The following ARL6 variants were observed in gnomAD, a reference collection of about 807,000 sequenced individuals.
ARL6 encodes the protein ADP-ribosylation factor-like protein 6.
A neutral mutation model predicts 27.1 loss-of-function variants in ARL6; 18 were observed. The ratio of observed to expected loss-of-function variants is 0.66; its 90% CI spans 0.46 to 0.98. ARL6 has a LOEUF of 0.98. Among genes scored for constraint, ARL6 ranks in the 50% least tolerant of loss-of-function variants. The probability of loss-of-function intolerance (pLI) is 0.00; values close to 1 mark genes in which losing one functional copy is unlikely to be tolerated. For synonymous variants in ARL6, 65 were observed against 72.3 expected (o/e 0.90, Z 0.51); for missense variants, 187 against 214.9 (o/e 0.87, Z 0.81).
chr3:97,790,182 GA>G (rs558914592), intron 6 of ARL6, among the ~76,000 whole-genome samples: 1 of 151,644 alleles, frequency 6.6e-6, no homozygotes, highest in Non-Finnish European at 1.5e-5. Flanking sequence ...GGGAAGATGA[GA>G]AAAAATAAAG....
intron 4 of ARL6, among the ~76,000 whole-genome samples, chr3:97,784,584 C>T (rs1348113105): frequency 1.3e-5 from 2 of 151,134 alleles, no homozygotes; most frequent in Admixed American, 6.6e-5. Context: ...ATGTAATATA[C>T]ACAAAGTGTA....
intron 1 of ARL6, among the ~76,000 whole-genome samples, chr3:97,765,211 G>GGGGTGTGT (rs373304649): frequency 6.3e-4 from 67 of 105,612 alleles, no homozygotes; most frequent in South Asian, 2.0e-3. Context: ...GTGTATTGGG[G>GGGGTGTGT]GTGTGTGTGT....
intron 7 of ARL6, chr3:97,793,472 A>G (rs990639205): frequency 6.6e-6 from 1 of 152,202 alleles, no homozygotes; most frequent in Non-Finnish European, 1.5e-5. Flanking sequence ...TATAGCATGG[A>G]TGGAAACCCT....
At chr3:97,791,440 T>C in intron 6 of ARL6, 1 of 249,968 alleles carries the variant, frequency 4.0e-6, no homozygotes, top group Non-Finnish European at 7.7e-6. Flanking sequence ...GATTGAATGA[T>C]TGGAACTGAG....
intron 3 of ARL6, 81 bp from the exon 4 acceptor site, chr3:97,780,529 ATTTCT>A: frequency 1.8e-6 from 2 of 1,132,392 alleles, no homozygotes; most frequent in Non-Finnish European, 2.7e-6. Flanking sequence ...ATGAAGGGTA[ATTTCT>A]TTGATTGTAA....
intron 4 of ARL6, among the ~76,000 whole-genome samples, chr3:97,782,928 C>G (rs550476005): frequency 2.7e-5 from 4 of 149,844 alleles, no homozygotes; most frequent in Non-Finnish European, 4.5e-5. Flanking sequence ...CCATTAGTAG[C>G]ATTTATTTTT....
chr3:97,780,136 G>A, intron 2 of ARL6, 23 bp from the exon 3 acceptor site: 1 of 1,599,048 alleles, frequency 6.3e-7, no homozygotes, highest in Non-Finnish European at 8.6e-7. Flanking sequence ...GTAAATTTCT[G>A]AACTTTGTCT....
chr3:97,781,040 T>C (rs1267912531), intron 4 of ARL6, among the ~76,000 whole-genome samples: 6 of 152,282 alleles, frequency 3.9e-5, no homozygotes, highest in African/African-American at 1.4e-4. Context: ...ACCTGGCACT[T>C]TGTCCATTTC....
At chr3:97,785,206 TCAC>T (rs976010552) in intron 5 of ARL6, among the ~76,000 whole-genome samples, 157 bp downstream of exon 5, 2 of 151,934 alleles carry the variant, frequency 1.3e-5, no homozygotes, top group African/African-American at 4.8e-5. Flanking sequence ...TTTATGTACA[TCAC>T]CATATTTTGT....
intron 2 of ARL6, among the ~76,000 whole-genome samples, chr3:97,775,147 A>G (rs2036829801): frequency 1.3e-5 from 2 of 152,292 alleles, no homozygotes; most frequent in South Asian, 2.1e-4. Flanking sequence ...CCCAAAACCA[A>G]TGAAAGAACT....
chr3:97,766,857 T>TA (rs2036404137), intron 1 of ARL6, among the ~76,000 whole-genome samples: 1 of 152,112 alleles, frequency 6.6e-6, no homozygotes, highest in Non-Finnish European at 1.5e-5. Context: ...GGTACATAGA[T>TA]ATATTGTAGC....
rs1232541489 is a variant in ARL6 at position 97,800,662 on chromosome 3, T to C, written c.*2613T>C. 3 of 152,204 alleles carry C rather than the reference T, an allele frequency of 2.0e-5. No homozygotes were observed. Among genetic ancestry groups the C allele is most frequent in the Non-Finnish European group, 4.4e-5 (3 of 68,030 alleles). The allele number at this position is 152,204 out of a possible 1,614,324, so 9.4% of individuals were successfully genotyped here. ...TATCATGTTGTGATTTCCATAAATA[T>C]GTGCAGTTACTCTTGATAATACTTG... On this transcript the variant is annotated 3_prime_UTR_variant, in exon 8 of 8. Coordinates refer to ENST00000463745, the MANE Select transcript of ARL6 (RefSeq NM_001278293.3).
At chr3:97,788,194 C>A in intron 6 of ARL6, 75 bp downstream of exon 6, 1 of 1,476,008 alleles carries the variant, frequency 6.8e-7, no homozygotes, top group South Asian at 1.2e-5. Flanking sequence ...CTTCTGATCT[C>A]ATTTTTTAAA....
In ARL6 at chr3:97,800,304, T is replaced by G. The variant is rs921344916; in HGVS notation, c.*2255T>G. 6.6e-6 allele frequency: 1 copy of G among 152,176 alleles called. No homozygotes were observed. The highest frequency in any genetic ancestry group is 2.4e-5 in the African/African-American group (1 of 41,464). The allele number at this position is 152,176 out of a possible 1,614,324, so 9.4% of individuals were successfully genotyped here. A position where few individuals can be genotyped will look rare whatever the true frequency, so the allele number is the denominator to read the frequency against. ...TCACAGGATGTCATATAAGTGTGAA[T>G]AAGCTGAGATTATTGCATTTGTATT... On this transcript the variant is annotated 3_prime_UTR_variant, in exon 8 of 8. Transcript: ENST00000463745.
intron 2 of ARL6, among the ~76,000 whole-genome samples, chr3:97,776,373 T>A (rs1404935402): frequency 3.3e-5 from 5 of 151,844 alleles, no homozygotes; most frequent in Non-Finnish European, 7.4e-5. Flanking sequence ...TGGGTCTTAT[T>A]TTTTTTTAAT....
chr3:97,780,491 G>C (rs905694891), intron 3 of ARL6, 124 bp from the exon 4 acceptor site: 6 of 818,172 alleles, frequency 7.3e-6, no homozygotes, highest in Non-Finnish European at 1.2e-5. Flanking sequence ...ACTTTTACTT[G>C]TAAATTGGCA....
intron 5 of ARL6, 23 bp from the exon 6 acceptor site, chr3:97,787,967 G>A: frequency 6.2e-7 from 1 of 1,612,374 alleles, no homozygotes; most frequent in Non-Finnish European, 8.5e-7. Flanking sequence ...GAAGTGTGAT[G>A]ATAATCTTAT....
chr3:97,788,226 G>T (rs988296539), intron 6 of ARL6, 107 bp downstream of exon 6: 2 of 1,159,748 alleles, frequency 1.7e-6, no homozygotes, highest in African/African-American at 3.1e-5. Flanking sequence ...AAACATGGTG[G>T]CATATAAGCT....
At chr3:97,777,966 G>A (rs755454576) in intron 2 of ARL6, among the ~76,000 whole-genome samples, 28 of 152,186 alleles carry the variant, frequency 1.8e-4, no homozygotes, top group Non-Finnish European at 3.7e-4. Flanking sequence ...TTAGGTGATC[G>A]TGGGGACGCT....
Sources: allele counts gnomAD v4.1 joint callset (sites outside exome capture counted in the v4.1 genomes callset), GRCh38; gene constraint gnomAD v4.1.1; transcripts MANE v1.5; gene names NCBI Gene and HGNC (gene_info 2026-07-23, HGNC 2026-07-21).